Variants in ADAM23 observed in about 807,000 individuals in gnomAD.
ADAM23 encodes disintegrin and metalloproteinase domain-containing protein 23.
ADAM23 carries 33 observed loss-of-function variants against 120.1 expected under a neutral mutation model. The observed-to-expected ratio is 0.27, with a 90% CI of 0.21 to 0.37. The LOEUF (loss-of-function observed/expected upper bound fraction) is 0.37, where lower values mean the gene tolerates loss of function less well. Among genes scored for constraint, ADAM23 ranks in the 10% least tolerant of loss-of-function variants. ADAM23 has a pLI of 1.00. For synonymous variants in ADAM23, 367 were observed against 375.2 expected (o/e 0.98, Z 0.25); for missense variants, 862 against 1,058.2 (o/e 0.81, Z 2.57).
intron 11 of ADAM23, among the ~76,000 whole-genome samples, chr2:206,560,709 G>C (rs1697745691): frequency 6.6e-6 from 1 of 152,106 alleles, no homozygotes; most frequent in Non-Finnish European, 1.5e-5. Context: ...TTCTGTCCTG[G>C]AATCAAACCA....
At chr2:206,517,284 G>A (rs1435840561) in intron 3 of ADAM23, among the ~76,000 whole-genome samples, 2 of 152,104 alleles carry the variant, frequency 1.3e-5, no homozygotes, top group African/African-American at 4.8e-5. Flanking sequence ...ACAGAAAGTA[G>A]CCCGAGTCTC....
At chr2:206,589,559 C>T (rs1373402443) in intron 21 of ADAM23, 45 bp downstream of exon 21, 3 of 1,512,328 alleles carry the variant, frequency 2.0e-6, no homozygotes, top group African/African-American at 1.4e-5. Context: ...CTTGGAAGCC[C>T]TTCTTATGCA....
intron 2 of ADAM23, among the ~76,000 whole-genome samples, chr2:206,460,263 T>A (rs1489905896): frequency 6.6e-6 from 1 of 152,222 alleles, no homozygotes; most frequent in East Asian, 1.9e-4. Flanking sequence ...AGTTGGGCGC[T>A]TATAATTCTA....
At chr2:206,516,296 A>G (rs1161102774) in intron 3 of ADAM23, among the ~76,000 whole-genome samples, 1 of 152,070 alleles carries the variant, frequency 6.6e-6, no homozygotes, top group South Asian at 2.1e-4. Flanking sequence ...TAGAATTTTC[A>G]GGAAAAAAAT....
Position 206,611,846 on chromosome 2 carries a change from A to G in ADAM23, c.2450+1846A>G, listed in dbSNP as rs549428317. On this transcript the variant is annotated intron_variant, in intron 25 of 25. Transcript: ENST00000264377. ...GATTCTTTATATCTGAGAGAGAGAG[A>G]GATCTCGTTATCACAAGAACAGAAA... 6.6e-5 allele frequency among the ~76,000 whole-genome samples: 10 copies of G among 152,302 alleles called. No homozygotes were observed. In the East Asian group the frequency reaches 1.9e-3, roughly 29 times the overall value.
intron 3 of ADAM23, among the ~76,000 whole-genome samples, chr2:206,489,573 A>T (rs1310522511): frequency 1.3e-5 from 2 of 152,190 alleles, no homozygotes; most frequent in African/African-American, 4.8e-5. Context: ...AAGGCTTTCT[A>T]TTATGGTGAT....
intron 14 of ADAM23, among the ~76,000 whole-genome samples, chr2:206,566,207 A>G (rs1485947098): frequency 1.3e-5 from 2 of 148,698 alleles, no homozygotes; most frequent in Non-Finnish European, 3.0e-5. Context: ...AATATATTTT[A>G]TATAATAAAA....
intron 24 of ADAM23, among the ~76,000 whole-genome samples, chr2:206,599,682 G>A (rs1045432289): frequency 7.9e-5 from 12 of 152,296 alleles, no homozygotes; most frequent in East Asian, 5.8e-4. Flanking sequence ...AAAAGATAGC[G>A]TATGCTTGGC....
At chr2:206,450,697 A>G (rs1378481113) in intron 2 of ADAM23, among the ~76,000 whole-genome samples, 1 of 152,188 alleles carries the variant, frequency 6.6e-6, no homozygotes, top group Non-Finnish European at 1.5e-5. Flanking sequence ...TCTCACTGCT[A>G]CCCATCATTA....
chr2:206,445,561 T>C (rs759905054), intron 2 of ADAM23, 37 bp downstream of exon 2: 16 of 1,532,636 alleles, frequency 1.0e-5, no homozygotes, highest in Middle Eastern at 1.7e-4. Flanking sequence ...GTAACTATCA[T>C]GAAGAGTTTT....
chr2:206,605,638 T>A (rs1437239487), intron 24 of ADAM23, among the ~76,000 whole-genome samples: 2 of 152,236 alleles, frequency 1.3e-5, no homozygotes, highest in East Asian at 3.8e-4. Context: ...ATATCTTCAA[T>A]GTGTATGTAG....
At chr2:206,561,389 T>C (rs997556161) in intron 12 of ADAM23, among the ~76,000 whole-genome samples, 177 bp downstream of exon 12, 1 of 152,216 alleles carries the variant, frequency 6.6e-6, no homozygotes, top group Admixed American at 6.5e-5. Flanking sequence ...GTGACATATT[T>C]TGGTGTCATA....
At chr2:206,455,348 T>C (rs1695275757) in intron 2 of ADAM23, among the ~76,000 whole-genome samples, 1 of 152,184 alleles carries the variant, frequency 6.6e-6, no homozygotes, top group Admixed American at 6.5e-5. Flanking sequence ...GTCCTGAGGC[T>C]GCACAGAGCA....
In ADAM23 at chr2:206,547,325, A is replaced by T. The variant is rs1042201225; in HGVS notation, c.721-104A>T. On this transcript the variant is annotated intron_variant, in intron 6 of 25. Transcript: ENST00000264377. ...TTGATAGCTAAAAAACTGACATATA[A>T]ATATTCCCATTTTAGGAAGGACATT... is the stretch of plus-strand genomic sequence containing the variant. 4.3e-5 allele frequency: 37 copies of T among 861,240 alleles called. No homozygotes were observed. In the African/African-American group the frequency reaches 6.1e-4, roughly 14 times the overall value. The allele number at this position is 861,240 out of a possible 1,614,324, so 53.3% of individuals were successfully genotyped here. A position where few individuals can be genotyped will look rare whatever the true frequency, so the allele number is the denominator to read the frequency against.
At chr2:206,514,528 G>A (rs1022600265) in intron 3 of ADAM23, among the ~76,000 whole-genome samples, 4 of 152,196 alleles carry the variant, frequency 2.6e-5, no homozygotes, top group Non-Finnish European at 5.9e-5. Flanking sequence ...TTCATGAGAT[G>A]GAATCTACTG....
rs1403920577 is a variant in ADAM23, at chr2:206,443,694, AG to A, written c.-168del. 1 of 174,196 alleles carries A rather than the reference AG, an allele frequency of 5.7e-6. No homozygotes were observed. Among genetic ancestry groups the A allele is most frequent in the Admixed American group, 6.7e-5 (1 of 14,908 alleles). The allele number at this position is 174,196 out of a possible 1,614,324, so 10.8% of individuals were successfully genotyped here. On this transcript the variant is annotated 5_prime_UTR_variant, in exon 1 of 26. Transcript: ENST00000264377. ...GCTGCGAGGCTAGGCGAGCCGGGAAAGGGGGCGCCGCCCAGCCCCGAGCCCC... is the reference window on the plus strand; with the variant it reads ...GCTGCGAGGCTAGGCGAGCCGGGAAAGGGGCGCCGCCCAGCCCCGAGCCCC...
chr2:206,565,897 C>G (rs915300531), intron 14 of ADAM23, among the ~76,000 whole-genome samples: 3 of 152,038 alleles, frequency 2.0e-5, no homozygotes, highest in African/African-American at 7.2e-5. Context: ...ACCAGCCCTC[C>G]TAGGAGTCCA....
At chr2:206,613,685 G>A (rs1271954616) in intron 25 of ADAM23, among the ~76,000 whole-genome samples, 1 of 152,104 alleles carries the variant, frequency 6.6e-6, no homozygotes, top group Non-Finnish European at 1.5e-5. Context: ...TCGACTGTTA[G>A]AGCTGTTGCT....
At chr2:206,586,480 G>A (rs541473555) in intron 18 of ADAM23, among the ~76,000 whole-genome samples, 14 of 152,274 alleles carry the variant, frequency 9.2e-5, no homozygotes, top group African/African-American at 3.4e-4. Flanking sequence ...GAGGGGAATA[G>A]AAGATGACTA....
Sources: gnomAD v4.1 joint callset for allele counts (sites outside exome capture counted in the v4.1 genomes callset) on GRCh38, gnomAD v4.1.1 for gene constraint, MANE v1.5 for transcripts, NCBI Gene and HGNC (gene_info 2026-07-23, HGNC 2026-07-21) for gene names.